PNLIP: variants seen among roughly 807,000 people sequenced by gnomAD.
The protein encoded by PNLIP is pancreatic triacylglycerol lipase.
PNLIP carries 49 observed loss-of-function variants against 57.1 expected under a neutral mutation model. That is an observed-to-expected ratio of 0.86 (90% CI 0.68 to 1.09). The LOEUF (loss-of-function observed/expected upper bound fraction) is 1.09, where lower values mean the gene tolerates loss of function less well. PNLIP is among the 50% of genes least tolerant of loss of function. PNLIP has a pLI of 0.00. For missense variants in PNLIP, 503 were observed against 570.2 expected (o/e 0.88, Z 1.20); for synonymous variants, 209 against 200.4 (o/e 1.04, Z -0.36).
Position 116,567,780 on chromosome 10 carries a change from C to A in PNLIP, c.1380C>A (p.Leu460=), listed in dbSNP as rs1564729020. The A allele has an allele frequency of 6.2e-7, 1 of 1,613,384 alleles. No homozygotes were observed. Among genetic ancestry groups the A allele is most frequent in the Non-Finnish European group, 8.5e-7 (1 of 1,179,420 alleles). The part of the protein sequence containing the change: ...SPETVREEVL[L]TLTPC ...AAACCGTCAGGGAGGAAGTTCTGCT[C>A]ACCCTCACACCGTGTTAGGAGACTA... The change falls in exon 13 of 13, where the codon CTC becomes CTA. Residue 460 remains leucine, a synonymous_variant. Coordinates refer to ENST00000369221, the MANE Select transcript of PNLIP (RefSeq NM_000936.4).
intron 2 of PNLIP, 56 bp downstream of exon 2, chr10:116,546,194 G>A: frequency 6.8e-7 from 1 of 1,466,222 alleles, no homozygotes; most frequent in South Asian, 1.1e-5. Flanking sequence ...ACACGGTCAG[G>A]AGGGCTAGGG....
chr10:116,551,212 T>C lies in PNLIP; in HGVS notation c.439T>C (p.Tyr147His). 1.9e-6 allele frequency: 3 copies of C among 1,610,584 alleles called. No individual in the cohort carries two copies. The highest frequency in any genetic ancestry group is 2.5e-6 in the Non-Finnish European group (3 of 1,178,524). The part of the protein sequence containing the change: ...NIRIVGAEVA[Y>H]FVEFLQSAFG... ...CAGGATCGTGGGAGCAGAAGTGGCATATTTTGTTGAATTTCTTCAGGTAAT... is the reference window on the plus strand; with the variant it reads ...CAGGATCGTGGGAGCAGAAGTGGCACATTTTGTTGAATTTCTTCAGGTAAT... The change falls in exon 5 of 13, where the codon TAT (tyrosine) becomes CAT (histidine). Residue 147 changes from tyrosine to histidine, a missense_variant. Coordinates refer to ENST00000369221, the MANE Select transcript of PNLIP (RefSeq NM_000936.4).
chr10:116,555,100 C>G, intron 6 of PNLIP, 78 bp from the exon 7 acceptor site: 1 of 1,496,310 alleles, frequency 6.7e-7, no homozygotes, highest in South Asian at 1.1e-5. Context: ...CATCCCTTTC[C>G]ATGCATAACT....
chr10:116,560,190 G>GA (rs749774369), intron 10 of PNLIP, among the ~76,000 whole-genome samples: 7 of 150,674 alleles, frequency 4.6e-5, no homozygotes, highest in Non-Finnish European at 8.9e-5. Context: ...TCTTAACTTT[G>GA]AAAAAATTCT....
At chr10:116,559,845 C>G (rs1847294074) in intron 10 of PNLIP, among the ~76,000 whole-genome samples, 1 of 152,286 alleles carries the variant, frequency 6.6e-6, no homozygotes, top group African/African-American at 2.4e-5. Context: ...AATTTTATCT[C>G]CTCCCCAATT....
chr10:116,548,305 T>C, intron 3 of PNLIP, 55 bp from the exon 4 acceptor site: 1 of 1,585,818 alleles, frequency 6.3e-7, no homozygotes, highest in South Asian at 1.1e-5. Context: ...CATGTACAAA[T>C]GGTTCTATTG....
At chr10:116,560,734 C>A (rs561763474) in intron 11 of PNLIP, among the ~76,000 whole-genome samples, 1 of 151,474 alleles carries the variant, frequency 6.6e-6, no homozygotes, top group African/African-American at 2.4e-5. Flanking sequence ...CCCACCACCA[C>A]GCCTGGCTAA....
At chr10:116,567,069 C>T (rs1335068317) in intron 12 of PNLIP, among the ~76,000 whole-genome samples, 3 of 147,484 alleles carry the variant, frequency 2.0e-5, no homozygotes, top group Non-Finnish European at 4.5e-5. Flanking sequence ...CTTTCCTTCC[C>T]TCCCTCCCTT....
At chr10:116,557,140 A>G (rs904178979) in intron 9 of PNLIP, among the ~76,000 whole-genome samples, 1 of 152,232 alleles carries the variant, frequency 6.6e-6, no homozygotes, top group African/African-American at 2.4e-5. Flanking sequence ...GTGAGACAGA[A>G]GATCCCTTCT....
At chr10:116,565,726 C>T (rs189743846) in intron 12 of PNLIP, among the ~76,000 whole-genome samples, 1 of 152,218 alleles carries the variant, frequency 6.6e-6, no homozygotes, top group Non-Finnish European at 1.5e-5. Flanking sequence ...CAATACATCT[C>T]GCTGAGTCAG....
chr10:116,562,178 C>T (rs143467318), intron 12 of PNLIP, among the ~76,000 whole-genome samples: 2 of 152,270 alleles, frequency 1.3e-5, no homozygotes, highest in Non-Finnish European at 2.9e-5. Flanking sequence ...AATACCAATA[C>T]TAGACCAAGT....
intron 5 of PNLIP, among the ~76,000 whole-genome samples, chr10:116,552,803 G>T (rs1482689383): frequency 1.3e-5 from 2 of 151,968 alleles, no homozygotes; most frequent in Admixed American, 6.6e-5. Flanking sequence ...GGAGAATGGC[G>T]TGAACCCGGG....
At chr10:116,548,256 A>T (rs752630052) in intron 3 of PNLIP, 104 bp from the exon 4 acceptor site, 1 of 1,063,742 alleles carries the variant, frequency 9.4e-7, no homozygotes, top group Non-Finnish European at 1.4e-6. Flanking sequence ...ATTCACAAGG[A>T]TCCTGAATCC....
At chr10:116,546,045 TC>T in intron 1 of PNLIP, 47 bp from the exon 2 acceptor site, 1 of 1,571,682 alleles carries the variant, frequency 6.4e-7, no homozygotes, top group South Asian at 1.1e-5. Context: ...AACTTGCCGA[TC>T]TTTTAAAAAC....
chr10:116,547,304 T>A lies in PNLIP; in HGVS notation c.57T>A (p.Val19=), dbSNP rs376864208. The change falls in exon 3 of 13, where the codon GTT becomes GTA. Residue 19 remains valine, a synonymous_variant. Transcript: ENST00000369221. ...LLLGAVAGKE[V]CYERLGCFSD... is the part of the protein sequence containing the mutation. The stretch of plus-strand genomic sequence containing the variant: ...TCTGGGGGATTGCAGGAAAAGAAGT[T>A]TGCTACGAAAGACTCGGCTGCTTCA... The A allele has an allele frequency of 6.8e-6, 11 of 1,613,942 alleles. No homozygotes were observed. The African/African-American group carries it at 1.5e-4, about 22-fold the overall frequency.
chr10:116,548,587 A>C (rs1847156002), intron 4 of PNLIP, 105 bp downstream of exon 4: 18 of 1,258,336 alleles, frequency 1.4e-5, no homozygotes, highest in Non-Finnish European at 2.0e-5. Context: ...GAGGTCTTGG[A>C]GGATATTCAG....
intron 5 of PNLIP, among the ~76,000 whole-genome samples, chr10:116,552,380 G>A (rs1233967644): frequency 6.6e-6 from 1 of 152,104 alleles, no homozygotes; most frequent in Non-Finnish European, 1.5e-5. Flanking sequence ...ATGTGGAAGT[G>A]GAAGACAGTG....
intron 3 of PNLIP, 71 bp downstream of exon 3, chr10:116,547,519 G>A: frequency 8.1e-7 from 1 of 1,241,734 alleles, no homozygotes; most frequent in Non-Finnish European, 1.1e-6. Flanking sequence ...GAGGTCAGGA[G>A]ATCGAGACCA....
rs1589558850 is a variant in PNLIP at position 116,560,881 on chromosome 10, G to A, written c.1169+357G>A. The stretch of plus-strand genomic sequence containing the variant: ...GCATGAGCCATGGTGGCCAGCCAAT[G>A]CTTCTTAATGTTGGAATACTGCACA... On this transcript the variant is annotated intron_variant, in intron 11 of 12. Coordinates refer to ENST00000369221, the MANE Select transcript of PNLIP (RefSeq NM_000936.4). 3.3e-5 allele frequency among the ~76,000 whole-genome samples: 5 copies of A among 152,196 alleles called. No homozygotes were observed. In the South Asian group the frequency reaches 1.0e-3, roughly 32 times the overall value.
Sources: allele counts gnomAD v4.1 joint callset (sites outside exome capture counted in the v4.1 genomes callset), GRCh38; gene constraint gnomAD v4.1.1; transcripts MANE v1.5; gene names NCBI Gene and HGNC (gene_info 2026-07-23, HGNC 2026-07-21).